The following NOTCH2 variants were observed in gnomAD, a reference collection of about 807,000 sequenced individuals.
NOTCH2 encodes the protein neurogenic locus notch homolog protein 2.
A neutral mutation model predicts 235.8 loss-of-function variants in NOTCH2; 29 were observed. The observed-to-expected ratio is 0.12, with a 90% CI of 0.09 to 0.17. The LOEUF is 0.17. Ranked by LOEUF, NOTCH2 falls within the 10% of genes least tolerant of loss-of-function variation. The pLI is 1.00. For synonymous variants in NOTCH2, 1,086 were observed against 1,141.5 expected, an observed-to-expected ratio of 0.95 and a Z score of 0.98; for missense variants, 2,285 against 3,150.2, an observed-to-expected ratio of 0.73 and a Z score of 6.57.
chr1:120,041,048 A>AAAAAAG (rs1348330779), intron 1 of NOTCH2, among the ~76,000 whole-genome samples: 1 of 106,888 alleles, frequency 9.4e-6, no homozygotes, highest in African/African-American at 7.8e-5. Context: ...CTGCAAAAAA[A>AAAAAAG]AAAAAAAAAA....
chr1:120,069,565 C>G lies in NOTCH2; in HGVS notation c.-159G>C, dbSNP rs1211350543. ...CTCCGAAGCCCAGGCGCAAATGCCT[C>G]GACTCCCCGCGCCCCGAGTCCGCCG... is the stretch of plus-strand genomic sequence containing the variant. On this transcript the variant is annotated 5_prime_UTR_variant, in exon 1 of 34. Coordinates refer to ENST00000256646, the MANE Select transcript of NOTCH2 (RefSeq NM_024408.4). 1.4e-6 allele frequency: 2 copies of G among 1,409,912 alleles called. No individual in the cohort carries two copies. Among genetic ancestry groups the G allele is most frequent in the Non-Finnish European group, 1.8e-6 (2 of 1,091,336 alleles). The allele number at this position is 1,409,912 out of a possible 1,614,324, so 87.3% of individuals were successfully genotyped here.
At chr1:119,956,931 C>A (rs1254535657) in intron 12 of NOTCH2, among the ~76,000 whole-genome samples, 4 of 152,172 alleles carry the variant, frequency 2.6e-5, no homozygotes, top group Non-Finnish European at 5.9e-5. Flanking sequence ...CAGTGGAAGG[C>A]CAAGAAATTT....
Position 119,922,693 on chromosome 1 carries a change from G to A in NOTCH2, c.4945C>T (p.Leu1649Phe), listed in dbSNP as rs769177875. 3.1e-6 allele frequency: 5 copies of A among 1,614,092 alleles called. No homozygotes were observed. In the African/African-American group the frequency reaches 5.3e-5, roughly 17 times the overall value. Residue 1649 changes from leucine to phenylalanine, a missense_variant, in exon 27 of 34, where the codon CTC becomes TTC. Physicochemically the swap from Leu to Phe is conservative, Grantham distance 22 (BLOSUM62 0). This residue lies in a region of NOTCH2 where 1,173 missense variants were observed against 1,515.3 expected (regional missense o/e 0.77). Coordinates refer to ENST00000256646, the MANE Select transcript of NOTCH2 (RefSeq NM_024408.4). ...CFKNTDAAAA[L>F]LASHAIQGTL... ...CCCTGTATGGCGTGAGAGGCCAGGA[G>A]AGCTGCTGCTGCATCCGTGTTCTTG...
chr1:119,922,820 G>T (rs1450426598), intron 26 of NOTCH2, 42 bp from the exon 27 acceptor site: 1 of 1,612,604 alleles, frequency 6.2e-7, no homozygotes, highest in South Asian at 1.1e-5. Context: ...AGAGATGGGG[G>T]TAAAACAGAA....
chr1:119,942,944 C>T lies in NOTCH2; in HGVS notation c.2753-1190G>A, dbSNP rs587726551. ...CTGGAGTGCAGTGGCACAATCTTGG[C>T]TCACTGCAACCTCCGCCTCCCGGGT... On this transcript the variant is annotated intron_variant, in intron 17 of 33. Coordinates refer to ENST00000256646, the MANE Select transcript of NOTCH2 (RefSeq NM_024408.4). 2.0e-5 allele frequency among the ~76,000 whole-genome samples: 3 copies of T among 147,796 alleles called. No homozygotes were observed. The East Asian group carries it at 6.0e-4, about 29-fold the overall frequency.
chr1:119,931,525 A>G (rs1553195104), intron 22 of NOTCH2, among the ~76,000 whole-genome samples: 1 of 152,182 alleles, frequency 6.6e-6, no homozygotes, highest in Non-Finnish European at 1.5e-5. Context: ...AAAACTATGA[A>G]GAAGAAGATC....
intron 1 of NOTCH2, among the ~76,000 whole-genome samples, chr1:120,031,939 GTT>G (rs1399254148): frequency 8.7e-5 from 5 of 57,432 alleles, no homozygotes; most frequent in Middle Eastern, 4.6e-3. Flanking sequence ...CCATACCAAA[GTT>G]CTCAAACTGA....
intron 3 of NOTCH2, among the ~76,000 whole-genome samples, chr1:119,999,494 T>C (rs1553204879): frequency 1.3e-5 from 2 of 148,374 alleles, no homozygotes. Context: ...TTTCCACTCA[T>C]GTCACTAAGA....
chr1:120,038,749 A>C (rs1425104067), intron 1 of NOTCH2, among the ~76,000 whole-genome samples: 1 of 145,804 alleles, frequency 6.9e-6, no homozygotes, highest in Non-Finnish European at 1.5e-5. Context: ...GAAAGAACAA[A>C]ATGCTGCAAA....
intron 23 of NOTCH2, among the ~76,000 whole-genome samples, chr1:119,928,270 C>G (rs978118471): frequency 6.6e-6 from 1 of 152,170 alleles, no homozygotes; most frequent in Non-Finnish European, 1.5e-5. Flanking sequence ...CATGGCCAAG[C>G]CTTTACTGGG....
rs587769233 is a variant in NOTCH2, at chr1:119,940,254, C to T, written c.3183+301G>A. ...ATTTTCTTCAGTTCTTTTTGTGCTT[C>T]CAATGTAAAAAACAAAAAAACAAAA... is the stretch of plus-strand genomic sequence containing the variant. On this transcript the variant is annotated intron_variant, in intron 19 of 33. Coordinates refer to ENST00000256646, the MANE Select transcript of NOTCH2 (RefSeq NM_024408.4). Among the ~76,000 whole-genome samples the T allele has an allele frequency of 6.2e-4, 95 of 152,082 alleles. 1 individual carries two copies. The highest frequency in any genetic ancestry group is 6.8e-3 in the Middle Eastern group (2 of 294).
rs193116983 is a variant in NOTCH2 at position 119,965,499 on chromosome 1, T to C, written c.1635A>G (p.Ala545=). ...AGCCATTCGGGTGATCGATACACTT[T>C]GCCCCATTCAGACACGGAGTACTGG... The part of the protein sequence containing the change: ...DCSSTPCLNG[A]KCIDHPNGYE... The change falls in exon 10 of 34, where the codon GCA becomes GCG. Residue 545 remains alanine, a synonymous_variant. Coordinates refer to ENST00000256646, the MANE Select transcript of NOTCH2 (RefSeq NM_024408.4). The C allele has an allele frequency of 2.1e-5, 34 of 1,614,050 alleles. No individual in the cohort carries two copies. The African/African-American group carries it at 4.1e-4, about 20-fold the overall frequency.
chr1:119,951,907 A>C (rs1444955706), intron 14 of NOTCH2, among the ~76,000 whole-genome samples: 2 of 152,276 alleles, frequency 1.3e-5, no homozygotes, highest in African/African-American at 4.8e-5. Flanking sequence ...TCAGAAGATA[A>C]AGAAATAAAA....
chr1:119,925,410 G>C lies in NOTCH2; in HGVS notation c.4406C>G (p.Pro1469Arg). Residue 1469 changes from proline (P) to arginine (R), a missense_variant, in exon 25 of 34, where the codon CCA becomes CGA. Transcript: ENST00000256646. ...MENPWANCSS[P>R]LPCWDYINNQ... ...GTTGATATAATCCCAGCAGGGAAGT[G>C]GGGAGGAGCAGTTGGCCCAGGGGTT... The C allele has an allele frequency of 1.2e-6, 2 of 1,614,206 alleles. No homozygotes were observed. The highest frequency in any genetic ancestry group is 1.7e-6 in the Non-Finnish European group (2 of 1,180,032).
chr1:119,991,832 A>G (rs1652258553), intron 4 of NOTCH2, among the ~76,000 whole-genome samples: 1 of 128,308 alleles, frequency 7.8e-6, no homozygotes, highest in Non-Finnish European at 1.6e-5. Context: ...GTCTCAAAAA[A>G]AAAAAAAAAA....
chr1:119,913,118 T>C lies in NOTCH2; in HGVS notation c.*2188A>G, dbSNP rs587692864. 16 of 233,222 alleles carry C rather than the reference T, an allele frequency of 6.9e-5. No individual in the cohort carries two copies. The highest frequency in any genetic ancestry group is 3.3e-4 in the African/African-American group (15 of 45,428). The allele number at this position is 233,222 out of a possible 1,614,324, so 14.4% of individuals were successfully genotyped here. A position where few individuals can be genotyped will look rare whatever the true frequency, so the allele number is the denominator to read the frequency against. ...ATAGGTTCTCCCCATCTGTGAATAA[T>C]AAATGGGTCCAAGGGCAGAGAGTCA... On this transcript the variant is annotated 3_prime_UTR_variant, in exon 34 of 34. Transcript: ENST00000256646.
rs1649000290 is a variant in NOTCH2 at position 119,914,603 on chromosome 1, A to G, written c.*703T>C. Reference sequence around the variant, plus strand: ...CCCCTTCTCTCTCCAGGAATGATATATGCAGGAGAACACAATACAGTATGT... The same window carrying G: ...CCCCTTCTCTCTCCAGGAATGATATGTGCAGGAGAACACAATACAGTATGT... On this transcript the variant is annotated 3_prime_UTR_variant, in exon 34 of 34. Coordinates refer to ENST00000256646, the MANE Select transcript of NOTCH2 (RefSeq NM_024408.4). 8.5e-6 allele frequency: 2 copies of G among 235,642 alleles called. No individual in the cohort carries two copies. Among genetic ancestry groups the G allele is most frequent in the Non-Finnish European group, 1.7e-5 (2 of 119,566 alleles). The allele number at this position is 235,642 out of a possible 1,614,324, so 14.6% of individuals were successfully genotyped here.
intron 5 of NOTCH2, among the ~76,000 whole-genome samples, chr1:119,979,489 CTTGTG>C (rs1553201384): frequency 1.3e-5 from 2 of 152,134 alleles, no homozygotes; most frequent in African/African-American, 4.8e-5. Context: ...CAAGATACAA[CTTGTG>C]TATGAAGGCA....
At chr1:120,038,758 A>C (rs1449019647) in intron 1 of NOTCH2, among the ~76,000 whole-genome samples, 2 of 147,020 alleles carry the variant, frequency 1.4e-5, no homozygotes, top group Non-Finnish European at 1.5e-5. Flanking sequence ...AAATGCTGCA[A>C]ATTTCCAGGC....
Sources: gnomAD v4.1 joint callset for allele counts (sites outside exome capture counted in the v4.1 genomes callset) on GRCh38, gnomAD v4.1.1 for gene constraint, gnomAD v4.1.1 regional missense constraint, MANE v1.5 for transcripts, NCBI Gene and HGNC (gene_info 2026-07-23, HGNC 2026-07-21) for gene names.